The following PTPRN2 variants were observed in gnomAD, a reference collection of about 807,000 sequenced individuals.
The protein encoded by PTPRN2 is receptor-type tyrosine-protein phosphatase N2.
A neutral mutation model predicts 118.8 loss-of-function variants in PTPRN2; 74 were observed. That is an observed-to-expected ratio of 0.62 (90% CI 0.52 to 0.76). PTPRN2 has a LOEUF of 0.76. Ranked by LOEUF, PTPRN2 falls within the 30% of genes least tolerant of loss-of-function variation. The pLI is 0.00. For synonymous variants in PTPRN2, 641 were observed against 608.0 expected, an observed-to-expected ratio of 1.05 and a Z score of -0.80; for missense variants, 1,481 against 1,394.4, an observed-to-expected ratio of 1.06 and a Z score of -0.99.
chr7:158,135,246 C>G (rs558926894), intron 8 of PTPRN2, among the ~76,000 whole-genome samples: 2 of 152,168 alleles, frequency 1.3e-5, no homozygotes, highest in Non-Finnish European at 1.5e-5. Context: ...ACTATAGAGG[C>G]AATTATTCCC....
chr7:158,284,459 A>C (rs1261221665), intron 3 of PTPRN2, among the ~76,000 whole-genome samples: 2 of 152,162 alleles, frequency 1.3e-5, no homozygotes, highest in African/African-American at 4.8e-5. Context: ...CAGGTACTAA[A>C]GCTGAGACAG....
chr7:157,969,611 G>A (rs760921648), intron 11 of PTPRN2, among the ~76,000 whole-genome samples: 2 of 152,030 alleles, frequency 1.3e-5, no homozygotes, highest in African/African-American at 2.4e-5. Context: ...TGGAGGAGGC[G>A]AGATGCTTGG....
intron 11 of PTPRN2, among the ~76,000 whole-genome samples, chr7:157,925,820 C>A (rs749180047): frequency 1.3e-5 from 2 of 152,064 alleles, no homozygotes; most frequent in Non-Finnish European, 2.9e-5. Flanking sequence ...AATCAGGAAC[C>A]AGTGACGTGA....
chr7:158,324,814 G>A (rs1482734134), intron 2 of PTPRN2, among the ~76,000 whole-genome samples: 1 of 152,132 alleles, frequency 6.6e-6, no homozygotes, highest in African/African-American at 2.4e-5. Flanking sequence ...CCGGAAAGCT[G>A]TGGACCGAAC....
chr7:157,681,448 C>G (rs1585228572), intron 13 of PTPRN2, among the ~76,000 whole-genome samples: 1 of 152,216 alleles, frequency 6.6e-6, no homozygotes, highest in Non-Finnish European at 1.5e-5. Context: ...GAAATGCCAG[C>G]CTCAACACAT....
chr7:157,542,988 C>T (rs1798086912), intron 22 of PTPRN2, among the ~76,000 whole-genome samples: 1 of 152,186 alleles, frequency 6.6e-6, no homozygotes, highest in Admixed American at 6.5e-5. Context: ...CCTGTGGGTC[C>T]TCGAAGGTCT....
intron 2 of PTPRN2, among the ~76,000 whole-genome samples, chr7:158,390,621 G>A (rs1036148976): frequency 6.6e-6 from 1 of 152,170 alleles, no homozygotes; most frequent in African/African-American, 2.4e-5. Flanking sequence ...CTGTGGCTCT[G>A]GGAGCTGAGC....
At chr7:158,153,879 G>A (rs894026631) in intron 6 of PTPRN2, among the ~76,000 whole-genome samples, 5 of 125,802 alleles carry the variant, frequency 4.0e-5, no homozygotes, top group Admixed American at 9.1e-5. Flanking sequence ...GTGGGGAGGA[G>A]GGGGCACCCT....
At chr7:157,886,265 C>G (rs368342386) in intron 12 of PTPRN2, among the ~76,000 whole-genome samples, 1 of 152,166 alleles carries the variant, frequency 6.6e-6, no homozygotes. Context: ...GGAGACATCA[C>G]CAAGTCCCCA....
intron 13 of PTPRN2, among the ~76,000 whole-genome samples, chr7:157,672,525 G>A (rs1018776954): frequency 6.6e-6 from 1 of 152,120 alleles, no homozygotes. Context: ...GCGTTTTACA[G>A]GCCAGGAAAG....
At chr7:158,560,439 TG>T (rs1563435175) in intron 1 of PTPRN2, among the ~76,000 whole-genome samples, 1 of 152,218 alleles carries the variant, frequency 6.6e-6, no homozygotes. Flanking sequence ...AGGGGACAAA[TG>T]GGGGGTTTGC....
intron 11 of PTPRN2, chr7:158,030,795 G>C (rs1017370573): frequency 6.6e-6 from 1 of 152,398 alleles, no homozygotes; most frequent in Non-Finnish European, 1.5e-5. Flanking sequence ...GCAGGGCCTG[G>C]AGAGCTTTGC....
chr7:157,879,715 A>G (rs1796007407), intron 12 of PTPRN2, among the ~76,000 whole-genome samples: 2 of 152,254 alleles, frequency 1.3e-5, no homozygotes, highest in South Asian at 2.1e-4. Context: ...GGCCCATGCC[A>G]GAAGCGACAT....
At chr7:158,110,572 G>A (rs182291641) in intron 10 of PTPRN2, among the ~76,000 whole-genome samples, 7 of 152,302 alleles carry the variant, frequency 4.6e-5, no homozygotes, top group East Asian at 3.9e-4. Flanking sequence ...TAGAGCCTTC[G>A]GTGGTTACAG....
At chr7:158,507,090 AGGGGT>A (rs1206061885) in intron 1 of PTPRN2, among the ~76,000 whole-genome samples, 2 of 152,200 alleles carry the variant, frequency 1.3e-5, no homozygotes, top group East Asian at 3.9e-4. Context: ...AGGCAGGGAG[AGGGGT>A]GGGTAAGCTA....
intron 11 of PTPRN2, among the ~76,000 whole-genome samples, chr7:157,996,101 TA>T (rs1188345629): frequency 2.0e-5 from 3 of 152,132 alleles, no homozygotes; most frequent in African/African-American, 4.8e-5. Flanking sequence ...TATTCAGCCA[TA>T]AAAAAGGATG....
intron 2 of PTPRN2, among the ~76,000 whole-genome samples, chr7:158,336,447 C>A (rs200217109): frequency 1.0e-3 from 92 of 90,042 alleles, no homozygotes; most frequent in Middle Eastern, 0.015. Context: ...CTCACACCCA[C>A]ACATGTCACT....
chr7:158,585,657 T>TTTG (rs1205028634), intron 1 of PTPRN2, among the ~76,000 whole-genome samples: 2 of 152,232 alleles, frequency 1.3e-5, no homozygotes, highest in African/African-American at 4.8e-5. Flanking sequence ...TGGGTTTTCC[T>TTTG]TTGCTGCCTC....
At chr7:158,016,832 C>G (rs528472936) in intron 11 of PTPRN2, among the ~76,000 whole-genome samples, 141 of 152,302 alleles carry the variant, frequency 9.3e-4, no homozygotes, top group African/African-American at 3.1e-3. Context: ...GCTGGCTACG[C>G]TGAATATGAA....
Sources: allele counts gnomAD v4.1 joint callset (sites outside exome capture counted in the v4.1 genomes callset), GRCh38; gene constraint gnomAD v4.1.1; transcripts MANE v1.5; gene names NCBI Gene and HGNC (gene_info 2026-07-23, HGNC 2026-07-21).